CLASP1: variants seen among roughly 807,000 people sequenced by gnomAD.
CLASP1 encodes the protein cytoplasmic linker associated protein 1.
In CLASP1, 38 loss-of-function variants were observed where a neutral mutation model predicts 192.3. The ratio of observed to expected loss-of-function variants is 0.20; its 90% CI spans 0.15 to 0.26. CLASP1 has a LOEUF of 0.26. Ranked by LOEUF, CLASP1 falls within the 10% of genes least tolerant of loss-of-function variation. The pLI, the probability that CLASP1 is intolerant of heterozygous loss-of-function variation, is 1.00. For missense variants in CLASP1, 1,433 were observed against 1,932.5 expected, an observed-to-expected ratio of 0.74 and a Z score of 4.85; for synonymous variants, 691 against 712.8, an observed-to-expected ratio of 0.97 and a Z score of 0.49.
chr2:121,530,236 C>A lies in CLASP1; in HGVS notation c.274+11G>T. 1 of 1,545,466 alleles carries A rather than the reference C, an allele frequency of 6.5e-7. No individual in the cohort carries two copies. The highest frequency in any genetic ancestry group is 1.2e-5 in the South Asian group (1 of 83,684). The stretch of plus-strand genomic sequence containing the variant: ...AGGGGCCGGGTCCGCTCCACAAGTG[C>A]CGCAGCTCACCTGTGCCGATCTGCG... On this transcript the variant is annotated intron_variant, in intron 3 of 39. Transcript: ENST00000263710.
At chr2:121,564,068 C>T (rs1029192572) in intron 2 of CLASP1, among the ~76,000 whole-genome samples, 2 of 152,178 alleles carry the variant, frequency 1.3e-5, no homozygotes, top group South Asian at 4.1e-4. Context: ...AAAGACCTGT[C>T]CCCATGATTC....
intron 2 of CLASP1, among the ~76,000 whole-genome samples, chr2:121,567,230 C>T (rs1006619084): frequency 1.3e-5 from 2 of 152,212 alleles, no homozygotes; most frequent in Non-Finnish European, 2.9e-5. Context: ...AACAAACAGT[C>T]GAGCACCGCT....
At chr2:121,371,725 CCTAG>C (rs2068778221) in intron 34 of CLASP1, among the ~76,000 whole-genome samples, 1 of 152,190 alleles carries the variant, frequency 6.6e-6, no homozygotes, top group Non-Finnish European at 1.5e-5. Context: ...CGCCCTCCTC[CCTAG>C]CTAAGACCAG....
intron 2 of CLASP1, among the ~76,000 whole-genome samples, chr2:121,548,776 A>T (rs991174754): frequency 1.2e-4 from 19 of 152,322 alleles, no homozygotes; most frequent in Non-Finnish European, 2.5e-4. Context: ...TTAAATAAAA[A>T]AAAAAAAAAT....
chr2:121,648,610 A>G (rs1354602452), intron 1 of CLASP1, among the ~76,000 whole-genome samples: 2 of 152,240 alleles, frequency 1.3e-5, no homozygotes, highest in Non-Finnish European at 1.5e-5. Context: ...AACGGAAAGC[A>G]AAATTCGATT....
chr2:121,504,609 C>CA (rs1398108348), intron 7 of CLASP1, among the ~76,000 whole-genome samples: 2 of 152,192 alleles, frequency 1.3e-5, no homozygotes, highest in Non-Finnish European at 2.9e-5. Context: ...TTCATTCACT[C>CA]AAAAATACTT....
chr2:121,345,267 G>A (rs1019155751), intron 39 of CLASP1, among the ~76,000 whole-genome samples: 11 of 152,170 alleles, frequency 7.2e-5, no homozygotes, highest in Admixed American at 5.2e-4. Flanking sequence ...GAGGGAAGGC[G>A]CTGGCTCCCG....
exon 35 of CLASP1, chr2:121,367,806 G>T (rs1403771209): frequency 1.5e-5 from 24 of 1,613,594 alleles, no homozygotes; most frequent in Admixed American, 3.3e-5. Context: ...AGTGGCAGGG[G>T]AGGCAGCGCC....
chr2:121,596,405 A>G (rs2063147514), intron 2 of CLASP1, among the ~76,000 whole-genome samples: 1 of 152,238 alleles, frequency 6.6e-6, no homozygotes, highest in African/African-American at 2.4e-5. Flanking sequence ...AGGAAACAGA[A>G]GTCACTTAAT....
chr2:121,466,462 A>G (rs766838021), intron 9 of CLASP1, among the ~76,000 whole-genome samples: 1 of 152,108 alleles, frequency 6.6e-6, no homozygotes, highest in African/African-American at 2.4e-5. Flanking sequence ...AACCATGAGT[A>G]CAGCTTTTAC....
intron 19 of CLASP1, among the ~76,000 whole-genome samples, chr2:121,447,136 A>T (rs1293963256): frequency 6.6e-6 from 1 of 152,148 alleles, no homozygotes; most frequent in Non-Finnish European, 1.5e-5. Context: ...CAGCACTAAA[A>T]CGGATGATGC....
At chr2:121,508,493 T>C (rs1246554182) in intron 7 of CLASP1, among the ~76,000 whole-genome samples, 1 of 152,170 alleles carries the variant, frequency 6.6e-6, no homozygotes, top group African/African-American at 2.4e-5. Context: ...CCTGCAGACA[T>C]AAATTCTACC....
At chr2:121,552,316 G>A (rs144747301) in intron 2 of CLASP1, among the ~76,000 whole-genome samples, 73 of 152,222 alleles carry the variant, frequency 4.8e-4, no homozygotes, top group African/African-American at 1.3e-3. Flanking sequence ...AAAAGCAATC[G>A]CAACAAAAGC....
At chr2:121,384,075 CACAT>C (rs1377989712) in intron 32 of CLASP1, among the ~76,000 whole-genome samples, 1 of 135,912 alleles carries the variant, frequency 7.4e-6, no homozygotes, top group East Asian at 2.0e-4. Flanking sequence ...TATACACACA[CACAT>C]ATATATGTAT....
intron 8 of CLASP1, among the ~76,000 whole-genome samples, chr2:121,474,499 G>A (rs957994066): frequency 3.9e-5 from 6 of 152,144 alleles, no homozygotes; most frequent in African/African-American, 7.2e-5. Flanking sequence ...CACTTTGGGC[G>A]GCCGAGGCAG....
intron 1 of CLASP1, among the ~76,000 whole-genome samples, chr2:121,647,350 A>C (rs2073362063): frequency 6.6e-6 from 1 of 152,236 alleles, no homozygotes. Flanking sequence ...CCTGGGCGAC[A>C]AGAGTGAAAC....
intron 36 of CLASP1, 53 bp downstream of exon 37, chr2:121,365,041 T>C (rs2067121741): frequency 6.5e-7 from 1 of 1,534,338 alleles, no homozygotes; most frequent in Admixed American, 1.7e-5. Flanking sequence ...GAAAAGGACA[T>C]CGTGACCCCA....
intron 7 of CLASP1, among the ~76,000 whole-genome samples, chr2:121,506,130 A>C (rs2093941859): frequency 6.6e-6 from 1 of 152,168 alleles, no homozygotes; most frequent in Admixed American, 6.5e-5. Context: ...CAGAATAAGG[A>C]CCCTTGAAAA....
intron 2 of CLASP1, among the ~76,000 whole-genome samples, chr2:121,557,774 A>G (rs1014987592): frequency 2.7e-5 from 4 of 150,806 alleles, no homozygotes; most frequent in Non-Finnish European, 5.9e-5. Context: ...AAGAAAAAAG[A>G]AAAAAAAAGA....
Sources: gnomAD v4.1 joint callset for allele counts (sites outside exome capture counted in the v4.1 genomes callset) on GRCh38, gnomAD v4.1.1 for gene constraint, MANE v1.5 for transcripts, NCBI Gene and HGNC (gene_info 2026-07-23, HGNC 2026-07-21) for gene names.